TDP1: variants seen among roughly 807,000 people sequenced by gnomAD.
TDP1 encodes the protein tyrosyl-DNA phosphodiesterase 1.
Under a neutral mutation model 81.5 loss-of-function variants are expected in TDP1, and 64 were observed. The observed-to-expected ratio is 0.79, with a 90% CI of 0.64 to 0.97. The LOEUF (loss-of-function observed/expected upper bound fraction) is 0.97. Ranked by LOEUF, TDP1 falls within the 50% of genes least tolerant of loss-of-function variation. The probability of loss-of-function intolerance (pLI) is 0.00; values close to 1 mark genes in which losing one functional copy is unlikely to be tolerated. For missense variants in TDP1, 723 were observed against 743.8 expected, an observed-to-expected ratio of 0.97 and a Z score of 0.33; for synonymous variants, 256 against 264.3, an observed-to-expected ratio of 0.97 and a Z score of 0.30.
chr14:89,967,185 A>G lies in TDP1; in HGVS notation c.604-182A>G, dbSNP rs182381554. ...TGGCTCCATTTAGGTTCTTTTAACC[A>G]TGCATTTAAGATAAATTATAGGTTT... On this transcript the variant is annotated intron_variant, in intron 4 of 16. Transcript: ENST00000335725. 3.0e-5 allele frequency: 27 copies of G among 911,496 alleles called. No homozygotes were observed. The East Asian group carries it at 8.3e-4, about 28-fold the overall frequency. 56.5% of individuals were successfully genotyped at this position (911,496 alleles called of 1,614,324 possible).
At chr14:89,980,519 G>C (rs1894847164) in intron 7 of TDP1, 21 bp from the exon 8 acceptor site, 1 of 1,603,044 alleles carries the variant, frequency 6.2e-7, no homozygotes, top group African/African-American at 1.3e-5. Flanking sequence ...AATGCTTTTT[G>C]ATCCTTTGCT....
chr14:90,020,721 C>T (rs1457370545), intron 15 of TDP1, among the ~76,000 whole-genome samples: 1 of 140,662 alleles, frequency 7.1e-6, no homozygotes, highest in Non-Finnish European at 1.5e-5. Context: ...CCATTGTGGA[C>T]AACACCAACT....
chr14:89,975,883 TAGG>T (rs1170779473), intron 7 of TDP1, 68 bp downstream of exon 7: 4 of 1,305,624 alleles, frequency 3.1e-6, no homozygotes, highest in Non-Finnish European at 4.4e-6. Context: ...CGGTTATTCT[TAGG>T]AGAGACTGAG....
chr14:90,025,711 T>C (rs1596683523), intron 15 of TDP1, among the ~76,000 whole-genome samples: 1 of 152,258 alleles, frequency 6.6e-6, no homozygotes, highest in East Asian at 1.9e-4. Context: ...TAGACTACGG[T>C]TCAGAAAGTC....
intron 14 of TDP1, among the ~76,000 whole-genome samples, chr14:90,012,586 G>A (rs562729227): frequency 2.0e-5 from 3 of 152,006 alleles, no homozygotes; most frequent in African/African-American, 4.8e-5. Context: ...CTGTGTACCC[G>A]CAAGGCCATT....
At chr14:89,961,116 G>A (rs565457852) in intron 2 of TDP1, among the ~76,000 whole-genome samples, 4 of 152,314 alleles carry the variant, frequency 2.6e-5, no homozygotes, top group East Asian at 1.9e-4. Context: ...GGGGGGACAC[G>A]TGTGCATGTG....
intron 16 of TDP1, among the ~76,000 whole-genome samples, chr14:90,037,071 C>T (rs1051955663): frequency 6.6e-6 from 1 of 152,170 alleles, no homozygotes; most frequent in African/African-American, 2.4e-5. Flanking sequence ...CTTGGCCTCC[C>T]AGAGTGTTAA....
At chr14:89,975,268 G>A (rs1596531558) in intron 6 of TDP1, 1 of 251,598 alleles carries the variant, frequency 4.0e-6, no homozygotes, top group East Asian at 1.8e-4. Context: ...AGTAGAAACG[G>A]GGTTCCACTG....
intron 11 of TDP1, chr14:89,989,341 G>A: frequency 1.0e-6 from 1 of 985,342 alleles, no homozygotes; most frequent in South Asian, 4.7e-5. Context: ...ACACAGACTG[G>A]CCTGTGATTT....
chr14:89,971,011 G>A (rs1170306070), intron 5 of TDP1, 164 bp from the exon 6 acceptor site: 1 of 180,652 alleles, frequency 5.5e-6, no homozygotes, highest in Non-Finnish European at 1.1e-5. Context: ...TCTAATTTTT[G>A]TATTAGTAGA....
rs769559433 is a variant in TDP1 at position 89,984,626 on chromosome 14, C to T, written c.995C>T (p.Ala332Val). ...DLISYLMAYN[A>V]PSLKEWIDVI... ...ATCAGTTACTTGATGGCTTATAATG[C>T]CCCTTCTCTCAAGGAGTGGATAGAT... is the stretch of plus-strand genomic sequence containing the variant. Residue 332 changes from alanine (A) to valine (V), a missense_variant, in exon 9 of 17, where the codon GCC (alanine) becomes GTC (valine). Ala to Val is a moderately conservative substitution (Grantham distance 64). Coordinates refer to ENST00000335725, the MANE Select transcript of TDP1 (RefSeq NM_018319.4). 1 of 1,614,088 alleles carries T rather than the reference C, an allele frequency of 6.2e-7. No homozygotes were observed. The highest frequency in any genetic ancestry group is 1.1e-5 in the South Asian group (1 of 91,084).
At chr14:90,008,195 CACTT>C in intron 14 of TDP1, among the ~76,000 whole-genome samples, 1 of 152,322 alleles carries the variant, frequency 6.6e-6, no homozygotes. Context: ...CACCCTCTCT[CACTT>C]CCTTCTTGCA....
At chr14:89,983,429 G>A (rs994548063) in intron 8 of TDP1, among the ~76,000 whole-genome samples, 1 of 152,214 alleles carries the variant, frequency 6.6e-6, no homozygotes, top group African/African-American at 2.4e-5. Context: ...ATGTACGGCC[G>A]AGAGTCCTTG....
intron 7 of TDP1, among the ~76,000 whole-genome samples, chr14:89,976,371 A>T (rs1343318032): frequency 6.6e-6 from 1 of 152,050 alleles, no homozygotes; most frequent in Non-Finnish European, 1.5e-5. Context: ...AAGTGCTGGG[A>T]TTACAGGCAT....
chr14:89,996,937 T>G (rs1896694174), intron 14 of TDP1, among the ~76,000 whole-genome samples: 1 of 152,218 alleles, frequency 6.6e-6, no homozygotes, highest in South Asian at 2.1e-4. Flanking sequence ...TACCCATTAC[T>G]CAGCAAATAT....
chr14:90,042,801 G>T, intron 16 of TDP1: 1 of 893,420 alleles, frequency 1.1e-6, no homozygotes, highest in Non-Finnish European at 1.3e-6. Context: ...CCCACGATAT[G>T]TGGGAATTAT....
At chr14:89,964,443 G>T (rs1255270181) in intron 3 of TDP1, among the ~76,000 whole-genome samples, 1 of 152,110 alleles carries the variant, frequency 6.6e-6, no homozygotes, top group East Asian at 1.9e-4. Flanking sequence ...GCAGAAAAAT[G>T]GGAGCAAATA....
intron 5 of TDP1, among the ~76,000 whole-genome samples, chr14:89,969,143 T>C (rs959234477): frequency 2.0e-4 from 30 of 152,208 alleles, no homozygotes; most frequent in Non-Finnish European, 4.0e-4. Flanking sequence ...CTTGGACTTC[T>C]CGCCTCCAGA....
chr14:90,006,100 G>T (rs1897656208), intron 14 of TDP1, among the ~76,000 whole-genome samples: 1 of 152,106 alleles, frequency 6.6e-6, no homozygotes, highest in Non-Finnish European at 1.5e-5. Flanking sequence ...GTCATGATAG[G>T]CCTGTGACTG....
Sources: gnomAD v4.1 joint callset for allele counts (sites outside exome capture counted in the v4.1 genomes callset) on GRCh38, gnomAD v4.1.1 for gene constraint, MANE v1.5 for transcripts, NCBI Gene and HGNC (gene_info 2026-07-23, HGNC 2026-07-21) for gene names.